The following SYNE2 variants were observed in gnomAD, a reference collection of about 807,000 sequenced individuals.
SYNE2 encodes nesprin-2.
A neutral mutation model predicts 856.3 loss-of-function variants in SYNE2; 431 were observed. The observed-to-expected ratio is 0.50, with a 90% confidence interval of 0.47 to 0.55. The LOEUF is 0.55. Among genes scored for constraint, SYNE2 ranks in the 20% least tolerant of loss-of-function variants. The pLI is 0.00. For missense variants in SYNE2, 8,129 were observed against 8,023.2 expected (o/e 1.01, Z -0.50); for synonymous variants, 2,923 against 2,872.3 (o/e 1.02, Z -0.56).
chr14:63,768,838 G>T (rs7157785), intron 1 of SYNE2, among the ~76,000 whole-genome samples: 34,904 of 151,816 alleles, frequency 0.23, 4,929 homozygotes, highest in African/African-American at 0.4. Context: ...GGACAAGACT[G>T]TGATCACTTG....
chr14:63,880,332 T>G (rs1555359785), intron 1 of SYNE2, among the ~76,000 whole-genome samples: 4 of 151,904 alleles, frequency 2.6e-5, no homozygotes, highest in Non-Finnish European at 4.4e-5. Flanking sequence ...CCTCAAATGA[T>G]CCACTCACCT....
At chr14:64,111,216 G>A (rs2097803649) in intron 65 of SYNE2, among the ~76,000 whole-genome samples, 1 of 151,520 alleles carries the variant, frequency 6.6e-6, no homozygotes, top group Admixed American at 6.6e-5. Context: ...AAAAAAATGT[G>A]CGTGGCATAT....
rs762744919 is a variant in SYNE2 at position 64,208,818 on chromosome 14, G to A, written c.18262G>A (p.Asp6088Asn). ...AGVESVFNIC[D>N]VLLHDSDACA... Reference sequence around the variant, plus strand: ...GGTGGAGTCCGTGTTTAACATCTGTGACGTCCTACTGCACGACTCCGATGC... The same window carrying A: ...GGTGGAGTCCGTGTTTAACATCTGTAACGTCCTACTGCACGACTCCGATGC... The change falls in exon 101 of 116, where the codon GAC (aspartate) becomes AAC (asparagine). Residue 6088 changes from aspartate to asparagine, a missense_variant. By Grantham distance (23) the Asp-to-Asn change is conservative. This residue lies in a region of SYNE2 where 5,410 missense variants were observed against 5,284.8 expected (regional missense o/e 1.02). Transcript: ENST00000555002. 1.9e-6 allele frequency: 3 copies of A among 1,614,138 alleles called. No individual in the cohort carries two copies. The African/African-American group carries it at 4.0e-5, about 22-fold the overall frequency.
At chr14:64,173,630 A>G (rs923740844) in intron 94 of SYNE2, among the ~76,000 whole-genome samples, 5 of 152,068 alleles carry the variant, frequency 3.3e-5, no homozygotes, top group African/African-American at 1.2e-4. Flanking sequence ...TTTTTTAGAG[A>G]TAGGTACTCA....
At chr14:64,140,373 G>A (rs1029055989) in intron 80 of SYNE2, among the ~76,000 whole-genome samples, 5 of 152,182 alleles carry the variant, frequency 3.3e-5, no homozygotes, top group Admixed American at 1.3e-4. Context: ...AGCTGAGATC[G>A]GGATTTCGAT....
At chr14:64,075,093 C>T (rs2153604951) in intron 53 of SYNE2, among the ~76,000 whole-genome samples, 1 of 152,272 alleles carries the variant, frequency 6.6e-6, no homozygotes, top group African/African-American at 2.4e-5. Flanking sequence ...TAGATTTGTC[C>T]TCTGCTGAGG....
At chr14:63,824,196 G>A (rs748398598) in intron 1 of SYNE2, among the ~76,000 whole-genome samples, 2 of 152,022 alleles carry the variant, frequency 1.3e-5, no homozygotes, top group Non-Finnish European at 2.9e-5. Context: ...AAAGTTAGCC[G>A]AGCATGGTAG....
rs1254324340 is a variant in SYNE2, at chr14:64,065,255, A to T, written c.10213-177A>T. Among the ~76,000 whole-genome samples, 4 of 152,350 alleles carry T rather than the reference A, an allele frequency of 2.6e-5. No individual in the cohort carries two copies. In the South Asian group the frequency reaches 8.3e-4, roughly 32 times the overall value. ...TAATCCCAAATTCATGCAGAATACAATAATACATAGATAATTCTCATCTGG... is the reference window on the plus strand; with the variant it reads ...TAATCCCAAATTCATGCAGAATACATTAATACATAGATAATTCTCATCTGG... On this transcript the variant is annotated intron_variant, in intron 50 of 115. Coordinates refer to ENST00000555002, the MANE Select transcript of SYNE2 (RefSeq NM_182914.3).
At chr14:63,859,978 T>G (rs1395394755) in intron 1 of SYNE2, among the ~76,000 whole-genome samples, 1 of 84,514 alleles carries the variant, frequency 1.2e-5, no homozygotes. Flanking sequence ...CCTCCCTTCC[T>G]CCCTTCCTTC....
Position 64,007,091 on chromosome 14 carries a change from AGAG to A in SYNE2, c.4447_4449del (p.Glu1483del). On this transcript the variant is annotated inframe_deletion, in exon 31 of 116. Coordinates refer to ENST00000555002, the MANE Select transcript of SYNE2 (RefSeq NM_182914.3). ...ATAAGGTTCTAGATGAATATGAAGA[AGAG>A]AAGAGACATTTACAAGAAATGGCTA... 6.2e-7 allele frequency: 1 copy of A among 1,613,856 alleles called. No individual in the cohort carries two copies. Among genetic ancestry groups the A allele is most frequent in the African/African-American group, 1.3e-5 (1 of 75,054 alleles).
At chr14:63,776,960 G>A (rs1225154904) in intron 1 of SYNE2, among the ~76,000 whole-genome samples, 3 of 152,034 alleles carry the variant, frequency 2.0e-5, no homozygotes, top group Non-Finnish European at 4.4e-5. Flanking sequence ...TCTTCTATAG[G>A]CAAACAAACT....
At chr14:63,765,861 C>T (rs1886662076) in intron 1 of SYNE2, among the ~76,000 whole-genome samples, 1 of 152,006 alleles carries the variant, frequency 6.6e-6, no homozygotes, top group Non-Finnish European at 1.5e-5. Context: ...TCTGCCCTGG[C>T]CAGGTGTGTT....
chr14:63,871,636 G>GTTTTTTTTTTTTT, intron 1 of SYNE2, among the ~76,000 whole-genome samples: 1 of 149,262 alleles, frequency 6.7e-6, no homozygotes, highest in Non-Finnish European at 1.5e-5. Flanking sequence ...CAGAGACAGG[G>GTTTTTTTTTTTTT]TCTCACTGTG....
At chr14:63,844,186 C>G (rs1890155899) in intron 1 of SYNE2, among the ~76,000 whole-genome samples, 1 of 152,192 alleles carries the variant, frequency 6.6e-6, no homozygotes, top group South Asian at 2.1e-4. Context: ...CTATTGATCC[C>G]TCCATCCCCC....
At chr14:64,189,110 G>C in intron 98 of SYNE2, 1 of 634,496 alleles carries the variant, frequency 1.6e-6, no homozygotes, top group Non-Finnish European at 2.8e-6. Context: ...AAGGCGGGTG[G>C]ATCACCTGAG....
chr14:64,210,467 G>A (rs2140165424), intron 103 of SYNE2, among the ~76,000 whole-genome samples: 1 of 152,324 alleles, frequency 6.6e-6, no homozygotes, highest in African/African-American at 2.4e-5. Flanking sequence ...TGGGCCCCTG[G>A]AAGGAGCCCC....
At chr14:64,000,800 A>C (rs2096748163) in intron 28 of SYNE2, 81 bp downstream of exon 28, 10 of 1,247,134 alleles carry the variant, frequency 8.0e-6, no homozygotes, top group Middle Eastern at 2.7e-4. Flanking sequence ...GATTCTTGCT[A>C]TACTAAGTAT....
intron 1 of SYNE2, chr14:63,762,057 A>G (rs1462727401): frequency 8.0e-6 from 4 of 503,082 alleles, no homozygotes; most frequent in Non-Finnish European, 1.6e-5. Context: ...GAGGCGTTGG[A>G]AAGTCTGCTT....
At chr14:63,957,990 G>A (rs1267224167) in intron 8 of SYNE2, among the ~76,000 whole-genome samples, 1 of 151,952 alleles carries the variant, frequency 6.6e-6, no homozygotes, top group Non-Finnish European at 1.5e-5. Flanking sequence ...TGCAGTGAGC[G>A]GAGATCGTGC....
Sources: gnomAD v4.1 joint callset for allele counts (sites outside exome capture counted in the v4.1 genomes callset) on GRCh38, gnomAD v4.1.1 for gene constraint, gnomAD v4.1.1 regional missense constraint, MANE v1.5 for transcripts, NCBI Gene and HGNC (gene_info 2026-07-23, HGNC 2026-07-21) for gene names.